The following RNF213 variants were observed in gnomAD, a reference collection of about 807,000 sequenced individuals.
RNF213 encodes E3 ubiquitin-protein ligase RNF213.
RNF213 carries 341 observed loss-of-function variants against 514.4 expected under a neutral mutation model. That is an observed-to-expected ratio of 0.66 (90% CI 0.61 to 0.73). The LOEUF (loss-of-function observed/expected upper bound fraction) is 0.73. RNF213 is among the 30% of genes least tolerant of loss of function. The pLI, the probability that RNF213 is intolerant of heterozygous loss-of-function variation, is 0.00. For synonymous variants in RNF213, 2,655 were observed against 2,658.2 expected (o/e 1.00, Z 0.04); for missense variants, 5,767 against 6,615.6 (o/e 0.87, Z 4.45).
Position 80,377,560 on chromosome 17 carries a change from A to G in RNF213, c.13511-202A>G. ...TACTTGATAAAATTAATAAAATTAG[A>G]CTCAGACATTTTTCACTGACAACAT... is the stretch of plus-strand genomic sequence containing the variant. On this transcript the variant is annotated intron_variant, in intron 53 of 67. Coordinates refer to ENST00000582970, the MANE Select transcript of RNF213 (RefSeq NM_001256071.3). This position sits in a 1 kb window ranked among gnomAD's most constrained non-coding sequence, Gnocchi z 4.1. 1 of 661,870 alleles carries G rather than the reference A, an allele frequency of 1.5e-6. No homozygotes were observed. Among genetic ancestry groups the G allele is most frequent in the South Asian group, 1.7e-5 (1 of 59,236 alleles). The allele number at this position is 661,870 out of a possible 1,614,324, so 41.0% of individuals were successfully genotyped here.
chr17:80,394,946 GC>G lies in RNF213; in HGVS notation c.*1450del, dbSNP rs1331424251. The G allele has an allele frequency of 3.3e-5, 5 of 152,246 alleles. No homozygotes were observed. Among genetic ancestry groups the G allele is most frequent in the African/African-American group, 1.2e-4 (5 of 41,388 alleles). 9.4% of individuals were successfully genotyped at this position (152,246 alleles called of 1,614,324 possible). On this transcript the variant is annotated 3_prime_UTR_variant, in exon 68 of 68. Transcript: ENST00000582970. ...CGACTGCCTATGAACGGGTGTGGGGGCCGGGGGCTGGCTTGCTGAAGTCTTC... is the reference window on the plus strand; with the variant it reads ...CGACTGCCTATGAACGGGTGTGGGGGCGGGGGCTGGCTTGCTGAAGTCTTC...
In RNF213 at chr17:80,336,252, C is replaced by T. The variant is rs952333472; in HGVS notation, c.4401C>T (p.Asp1467=). ...IDVDRVACFH[D]AVQGYASLLF... ...TGGACCGGGTGGCCTGCTTCCATGA[C>T]GCTGTGCAGGGCTACGCATCCCTGC... The change falls in exon 23 of 68, where the codon GAC becomes GAT. Residue 1467 remains aspartate (D), a synonymous_variant. Coordinates refer to ENST00000582970, the MANE Select transcript of RNF213 (RefSeq NM_001256071.3). The T allele has an allele frequency of 1.0e-5, 16 of 1,537,104 alleles. No homozygotes were observed. The highest frequency in any genetic ancestry group is 3.6e-5 in the South Asian group (3 of 84,068).
In RNF213 at chr17:80,398,320, T is replaced by C. The variant is rs549713795; in HGVS notation, c.*4822T>C. 1.1e-4 allele frequency: 16 copies of C among 152,270 alleles called. No homozygotes were observed. The South Asian group carries it at 3.1e-3, about 30-fold the overall frequency. 9.4% of individuals were successfully genotyped at this position (152,270 alleles called of 1,614,324 possible). A position where few individuals can be genotyped will look rare whatever the true frequency, so the allele number is the denominator to read the frequency against. The stretch of plus-strand genomic sequence containing the variant: ...TGTAGGGTGAGCGTAATGTTTTGTC[T>C]TGAAGAAGCATGGGTCAAGCACAAA... On this transcript the variant is annotated 3_prime_UTR_variant, in exon 68 of 68. Coordinates refer to ENST00000582970, the MANE Select transcript of RNF213 (RefSeq NM_001256071.3).
rs1156495980 is a variant in RNF213 at position 80,339,581 on chromosome 17, G to T, written c.5214G>T (p.Leu1738=). 1 of 1,537,232 alleles carries T rather than the reference G, an allele frequency of 6.5e-7. No individual in the cohort carries two copies. The highest frequency in any genetic ancestry group is 1.2e-5 in the South Asian group (1 of 84,064). The change falls in exon 26 of 68, where the codon CTG becomes CTT. Residue 1738 remains leucine, a synonymous_variant. Coordinates refer to ENST00000582970, the MANE Select transcript of RNF213 (RefSeq NM_001256071.3). ...MLSFIKSNCT[L]RDVLRASVGC... ...CCTTCATCAAAAGCAACTGCACCCT[G>T]AGGGATGTCTTAAGGGCCTCTGTGG...
At chr17:80,391,633 C>T (rs1281509692) in intron 67 of RNF213, among the ~76,000 whole-genome samples, 4 of 152,012 alleles carry the variant, frequency 2.6e-5, no homozygotes, top group African/African-American at 7.3e-5. Context: ...TCTTCTCTGC[C>T]GTGTGCCACA....
At chr17:80,320,185 T>C (rs1002783980) in intron 17 of RNF213, 3 of 195,466 alleles carry the variant, frequency 1.5e-5, no homozygotes, top group African/African-American at 2.4e-5. Context: ...CCTCCTCCCC[T>C]CTAGTCACCC....
chr17:80,325,892 A>T (rs867036941), intron 18 of RNF213, among the ~76,000 whole-genome samples: 2 of 152,100 alleles, frequency 1.3e-5, no homozygotes, highest in Non-Finnish European at 2.9e-5. Context: ...ATGGGAGTGC[A>T]CAAGTAAAAG....
chr17:80,385,192 G>C, intron 60 of RNF213, 21 bp downstream of exon 60: 1 of 1,613,894 alleles, frequency 6.2e-7, no homozygotes, highest in Non-Finnish European at 8.5e-7. Context: ...GCTCTGACAG[G>C]ACCAGGACTG....
At chr17:80,266,472 A>C (rs113721370) in intron 2 of RNF213, among the ~76,000 whole-genome samples, 93 of 151,842 alleles carry the variant, frequency 6.1e-4, no homozygotes, top group African/African-American at 2.1e-3. Context: ...TCAAATGAAA[A>C]GTCTCTTGCC....
intron 11 of RNF213, among the ~76,000 whole-genome samples, chr17:80,301,523 T>C (rs2045179073): frequency 6.6e-6 from 1 of 151,970 alleles, no homozygotes; most frequent in Non-Finnish European, 1.5e-5. Flanking sequence ...GACACACAAA[T>C]AACCAACAGG....
At chr17:80,294,067 C>G (rs1441761303) in intron 8 of RNF213, among the ~76,000 whole-genome samples, 2 of 152,206 alleles carry the variant, frequency 1.3e-5, no homozygotes, top group Non-Finnish European at 2.9e-5. Flanking sequence ...TGTAGGTCTT[C>G]ACGTGGCCTC....
chr17:80,298,384 G>A lies in RNF213; in HGVS notation c.2076G>A (p.Leu692=). 6.2e-7 allele frequency: 1 copy of A among 1,614,198 alleles called. No individual in the cohort carries two copies. The highest frequency in any genetic ancestry group is 8.5e-7 in the Non-Finnish European group (1 of 1,180,048). ...RCMDTRTYTW[L]GALPVLHCCM... ...TGGACACAAGGACGTACACCTGGCT[G>A]GGCGCCCTGCCTGTCCTGCACTGCT... The change falls in exon 11 of 68, where the codon CTG becomes CTA. Residue 692 remains leucine, a synonymous_variant. Transcript: ENST00000582970.
Position 80,346,840 on chromosome 17 carries a change from G to C in RNF213, c.8505G>C (p.Gln2835His). Reference sequence around the variant, plus strand: ...GCTTTCAGCAGGGGAAGGACCTGCAGCAGTACGTCTCTGTGGTGGTGTTAG... The same window carrying C: ...GCTTTCAGCAGGGGAAGGACCTGCACCAGTACGTCTCTGTGGTGGTGTTAG... ...CARFQQGKDL[Q>H]QYVSVVVLDE... Residue 2835 changes from glutamine (Q) to histidine (H), a missense_variant, in exon 29 of 68, where the codon CAG (glutamine) becomes CAC (histidine). Transcript: ENST00000582970. This position sits in a 1 kb window ranked among gnomAD's most constrained non-coding sequence, Gnocchi z 8.1. 1 of 1,614,178 alleles carries C rather than the reference G, an allele frequency of 6.2e-7. No homozygotes were observed. Among genetic ancestry groups the C allele is most frequent in the Non-Finnish European group, 8.5e-7 (1 of 1,180,030 alleles).
At chr17:80,352,385 C>T (rs567345378) in intron 32 of RNF213, 4 of 276,516 alleles carry the variant, frequency 1.4e-5, no homozygotes, top group East Asian at 8.2e-5. Flanking sequence ...GGTCACACGG[C>T]GTGGAGACTC....
intron 17 of RNF213, among the ~76,000 whole-genome samples, chr17:80,324,386 TA>T (rs1449611146): frequency 6.6e-6 from 1 of 152,264 alleles, no homozygotes; most frequent in Admixed American, 6.5e-5. Flanking sequence ...TATTAACTGA[TA>T]TTTGATGTTA....
rs554420318 is a variant in RNF213, at chr17:80,298,990, C to CA, written c.2210+478dup. Among the ~76,000 whole-genome samples the CA allele has an allele frequency of 2.6e-5, 4 of 152,108 alleles. No individual in the cohort carries two copies. In the South Asian group the frequency reaches 8.3e-4, roughly 32 times the overall value. On this transcript the variant is annotated intron_variant, in intron 11 of 67. Transcript: ENST00000582970. The stretch of plus-strand genomic sequence containing the variant: ...CGAGACTCTGTCTAAAACAAACAAA[C>CA]AAAAAACTATCAAGAATACAGAAAC...
chr17:80,311,207 C>G (rs1186413210), intron 14 of RNF213, among the ~76,000 whole-genome samples: 2 of 152,144 alleles, frequency 1.3e-5, no homozygotes, highest in Admixed American at 6.5e-5. Context: ...AACAAACAAA[C>G]AAAAAACCTT....
intron 22 of RNF213, among the ~76,000 whole-genome samples, chr17:80,335,379 G>A (rs917065856): frequency 2.0e-5 from 3 of 152,188 alleles, no homozygotes; most frequent in African/African-American, 7.2e-5. Context: ...TGTGCTCGGG[G>A]GTCTGGGGGC....
chr17:80,351,142 A>G lies in RNF213; in HGVS notation c.10185-543A>G, dbSNP rs935510293. On this transcript the variant is annotated intron_variant, in intron 31 of 67. Coordinates refer to ENST00000582970, the MANE Select transcript of RNF213 (RefSeq NM_001256071.3). ...TCTCAACAAGAAACTGGCTTTGGCC[A>G]TTGGTCATCTGAAGGGAATGGCATT... 3.3e-5 allele frequency among the ~76,000 whole-genome samples: 5 copies of G among 152,194 alleles called. 1 individual carries two copies. Among genetic ancestry groups the G allele is most frequent in the Admixed American group, 2.6e-4 (4 of 15,280 alleles).
Sources: allele counts gnomAD v4.1 joint callset (sites outside exome capture counted in the v4.1 genomes callset), GRCh38; gene constraint gnomAD v4.1.1; non-coding constraint Gnocchi (gnomAD v3.1); transcripts MANE v1.5; gene names NCBI Gene and HGNC (gene_info 2026-07-23, HGNC 2026-07-21).